The following MANBA variants were observed in gnomAD, a reference collection of about 807,000 sequenced individuals.
MANBA encodes the protein beta-mannosidase.
MANBA carries 83 observed loss-of-function variants against 111.1 expected under a neutral mutation model. That is an observed-to-expected ratio of 0.75 (90% confidence interval 0.63 to 0.90). The LOEUF (loss-of-function observed/expected upper bound fraction) is 0.90, where lower values mean the gene tolerates loss of function less well. MANBA is among the 40% of genes least tolerant of loss of function. MANBA has a pLI of 0.00. For synonymous variants in MANBA, 370 were observed against 378.7 expected (o/e 0.98, Z 0.27); for missense variants, 1,036 against 1,069.0 (o/e 0.97, Z 0.43).
At chr4:102,739,766 C>G (rs944362739) in intron 1 of MANBA, among the ~76,000 whole-genome samples, 3 of 152,172 alleles carry the variant, frequency 2.0e-5, no homozygotes, top group Non-Finnish European at 4.4e-5. Context: ...AAATCCTCAG[C>G]AAAATTGGCA....
At chr4:102,704,107 C>T (rs28845008) in intron 5 of MANBA, among the ~76,000 whole-genome samples, 24 of 151,032 alleles carry the variant, frequency 1.6e-4, no homozygotes, top group Admixed American at 2.6e-4. Flanking sequence ...AAAAAAAAAA[C>T]CAAAAAATTT....
chr4:102,718,592 CT>C (rs1278700727), intron 4 of MANBA, among the ~76,000 whole-genome samples: 1 of 152,162 alleles, frequency 6.6e-6, no homozygotes, highest in Non-Finnish European at 1.5e-5. Flanking sequence ...ATGAGTCCCA[CT>C]ATCCATTCTG....
chr4:102,718,346 C>T (rs958281007), intron 4 of MANBA, among the ~76,000 whole-genome samples: 1 of 151,844 alleles, frequency 6.6e-6, no homozygotes, highest in African/African-American at 2.4e-5. Flanking sequence ...ACAAGTTGGA[C>T]GGAAGACACA....
chr4:102,643,871 C>A (rs190197288), intron 13 of MANBA, among the ~76,000 whole-genome samples: 2 of 152,202 alleles, frequency 1.3e-5, no homozygotes, highest in Admixed American at 1.3e-4. Context: ...GCGTCTTTTG[C>A]CATACAAAAG....
chr4:102,705,294 C>A (rs745717367), intron 5 of MANBA, among the ~76,000 whole-genome samples: 2 of 152,178 alleles, frequency 1.3e-5, no homozygotes, highest in Non-Finnish European at 2.9e-5. Context: ...ACAAGATATG[C>A]AATGGCATTG....
At chr4:102,632,323 G>A in intron 16 of MANBA, 42 bp from the exon 17 acceptor site, 1 of 1,368,124 alleles carries the variant, frequency 7.3e-7, no homozygotes, top group Non-Finnish European at 1.0e-6. Flanking sequence ...AAGGATGAGG[G>A]AAGAGTTATA....
At chr4:102,710,174 G>A (rs1721994875) in intron 5 of MANBA, among the ~76,000 whole-genome samples, 1 of 152,082 alleles carries the variant, frequency 6.6e-6, no homozygotes, top group Non-Finnish European at 1.5e-5. Context: ...AATAAAGCAA[G>A]AGAAAAACAT....
In MANBA at chr4:102,690,563, A is replaced by T. The variant is rs1375795767; in HGVS notation, c.849+33T>A. ...TTCTTTAGCACAGGTATTGCTTTTC[A>T]TCCAGTGCTTCTCAGGAAGTACCAT... On this transcript the variant is annotated intron_variant, in intron 6 of 16. Transcript: ENST00000647097. 1.9e-6 allele frequency: 3 copies of T among 1,590,988 alleles called. No homozygotes were observed. In the African/African-American group the frequency reaches 4.0e-5, roughly 21 times the overall value.
Position 102,760,845 on chromosome 4 carries a change from G to A in MANBA, c.50C>T (p.Thr17Ile), listed in dbSNP as rs765795629. Reference protein sequence around the residue: ...LLLALCGAGTTAAELSYSLRG... With the variant: ...LLLALCGAGTIAAELSYSLRG... ...CAAGCTGTAACTGAGCTCCGCGGCG[G>A]TGGTGCCTGCACCGCACAGCGCGAG... Residue 17 changes from threonine to isoleucine, a missense_variant, in exon 1 of 17, where the codon ACC becomes ATC. By Grantham distance (89) the Thr-to-Ile change is moderately conservative. Transcript: ENST00000647097. 12 of 1,571,314 alleles carry A rather than the reference G, an allele frequency of 7.6e-6. No individual in the cohort carries two copies. Among genetic ancestry groups the A allele is most frequent in the Admixed American group, 7.4e-5 (4 of 54,346 alleles).
At position 102,652,568 on chromosome 4, in the gene MANBA, T is replaced by A. The variant is rs184387331; in HGVS notation, c.1705-1867A>T. On this transcript the variant is annotated intron_variant, in intron 12 of 16. Coordinates refer to ENST00000647097, the MANE Select transcript of MANBA (RefSeq NM_005908.4). ...TTACTTTAAGAATATTAACTTTTTT[T>A]AAAAAAAGAATATTAACTTATTTGG... Among the ~76,000 whole-genome samples the A allele has an allele frequency of 1.5e-3, 226 of 152,166 alleles. 3 individuals carry two copies. The highest frequency in any genetic ancestry group is 5.1e-3 in the African/African-American group (210 of 41,504).
chr4:102,709,331 A>AAAGG (rs70937564), intron 5 of MANBA, among the ~76,000 whole-genome samples: 46,319 of 133,286 alleles, frequency 0.35, 9,567 homozygotes, highest in African/African-American at 0.47. Flanking sequence ...AAAGAAAAAG[A>AAAGG]AAGGAAGGAA....
intron 1 of MANBA, among the ~76,000 whole-genome samples, chr4:102,756,736 G>A (rs1441142779): frequency 7.0e-6 from 1 of 143,710 alleles, no homozygotes; most frequent in African/African-American, 2.6e-5. Context: ...CTCTGGGAGT[G>A]ATGTTTCCAA....
chr4:102,727,463 T>C (rs561125633), intron 1 of MANBA: 32 of 1,476,430 alleles, frequency 2.2e-5, no homozygotes, highest in Non-Finnish European at 3.0e-5. Context: ...GAGCACTCCA[T>C]CTTCAAGGTC....
At chr4:102,732,220 T>G (rs1265355226) in intron 1 of MANBA, among the ~76,000 whole-genome samples, 1 of 152,168 alleles carries the variant, frequency 6.6e-6, no homozygotes, top group Non-Finnish European at 1.5e-5. Flanking sequence ...CTCTTTCCAC[T>G]CTTTATCTCC....
At chr4:102,722,660 C>T (rs1578938309) in intron 4 of MANBA, 1 of 581,596 alleles carries the variant, frequency 1.7e-6, no homozygotes, top group East Asian at 3.0e-5. Flanking sequence ...TCTGAACACG[C>T]TTCAGGAAGA....
At chr4:102,760,596 G>A in intron 1 of MANBA, 122 bp downstream of exon 1, 1 of 1,084,372 alleles carries the variant, frequency 9.2e-7, no homozygotes, top group Non-Finnish European at 1.3e-6. Context: ...ATGCAAAGGG[G>A]AAGTTACTAC....
intron 13 of MANBA, among the ~76,000 whole-genome samples, chr4:102,641,929 G>A (rs968136718): frequency 6.6e-6 from 1 of 151,166 alleles, no homozygotes; most frequent in African/African-American, 2.4e-5. Flanking sequence ...AAATTAGCAT[G>A]AAAGAGCATA....
At chr4:102,691,071 GATAAA>G (rs1171210534) in intron 5 of MANBA, 3 of 152,474 alleles carry the variant, frequency 2.0e-5, no homozygotes, top group Admixed American at 6.5e-5. Context: ...CAAATGGAAA[GATAAA>G]ATAAATTTTC....
At chr4:102,758,559 T>C (rs373474354) in intron 1 of MANBA, among the ~76,000 whole-genome samples, 69 of 151,528 alleles carry the variant, frequency 4.6e-4, no homozygotes, top group African/African-American at 1.6e-3. Flanking sequence ...TTCTTTTTTT[T>C]TTTTTTTTGA....
Sources: allele counts gnomAD v4.1 joint callset (sites outside exome capture counted in the v4.1 genomes callset), GRCh38; gene constraint gnomAD v4.1.1; transcripts MANE v1.5; gene names NCBI Gene and HGNC (gene_info 2026-07-23, HGNC 2026-07-21).